Variants in CRTC3 observed in about 807,000 individuals in gnomAD.
The protein encoded by CRTC3 is CREB-regulated transcription coactivator 3.
Under a neutral mutation model 74.5 loss-of-function variants are expected in CRTC3, and 26 were observed. The ratio of observed to expected loss-of-function variants is 0.35; its 90% CI spans 0.26 to 0.48. The LOEUF (loss-of-function observed/expected upper bound fraction) is 0.48. Among genes scored for constraint, CRTC3 ranks in the 20% least tolerant of loss-of-function variants. CRTC3 has a pLI of 0.99. For synonymous variants in CRTC3, 377 were observed against 325.8 expected (o/e 1.16, Z -1.69); for missense variants, 760 against 787.3 (o/e 0.97, Z 0.41).
At chr15:90,634,348 A>G (rs1969156462) in intron 11 of CRTC3, among the ~76,000 whole-genome samples, 1 of 152,146 alleles carries the variant, frequency 6.6e-6, no homozygotes, top group African/African-American at 2.4e-5. Flanking sequence ...TCCTGACCTC[A>G]GGTGATCCAC....
At chr15:90,567,791 A>G (rs1429503086) in intron 2 of CRTC3, among the ~76,000 whole-genome samples, 1 of 152,228 alleles carries the variant, frequency 6.6e-6, no homozygotes, top group African/African-American at 2.4e-5. Context: ...TAGTGTTTTT[A>G]TGCCTTCTAA....
intron 13 of CRTC3, among the ~76,000 whole-genome samples, chr15:90,639,622 A>G (rs1969368058): frequency 6.6e-6 from 1 of 151,128 alleles, no homozygotes; most frequent in South Asian, 2.1e-4. Flanking sequence ...GCTAAATTTT[A>G]TATTTTTAGT....
intron 2 of CRTC3, among the ~76,000 whole-genome samples, chr15:90,554,413 G>A (rs1189260970): frequency 6.6e-6 from 1 of 152,130 alleles, no homozygotes; most frequent in Non-Finnish European, 1.5e-5. Context: ...ATGTTGGCCA[G>A]GCTAGTCTCG....
intron 13 of CRTC3, among the ~76,000 whole-genome samples, chr15:90,640,557 A>C (rs576557798): frequency 6.6e-5 from 10 of 152,104 alleles, no homozygotes; most frequent in Non-Finnish European, 8.8e-5. Flanking sequence ...GCATGGTGGC[A>C]TGTGGTCCCA....
chr15:90,605,719 C>T (rs532647300), intron 5 of CRTC3, among the ~76,000 whole-genome samples: 31 of 152,294 alleles, frequency 2.0e-4, no homozygotes, highest in Non-Finnish European at 3.8e-4. Context: ...TCTGAAGCCA[C>T]GTGGCTTCAT....
At chr15:90,638,149 A>C in intron 11 of CRTC3, 1 of 387,148 alleles carries the variant, frequency 2.6e-6, no homozygotes, top group East Asian at 4.7e-5. Context: ...CGGCTATAAA[A>C]CAAAACAAAA....
At chr15:90,542,110 G>A (rs1285741567) in intron 2 of CRTC3, among the ~76,000 whole-genome samples, 1 of 150,582 alleles carries the variant, frequency 6.6e-6, no homozygotes, top group Non-Finnish European at 1.5e-5. Flanking sequence ...TACTGTTTTT[G>A]TTTTGTTTTG....
At chr15:90,606,148 T>A (rs1357701988) in intron 5 of CRTC3, among the ~76,000 whole-genome samples, 1 of 151,424 alleles carries the variant, frequency 6.6e-6, no homozygotes, top group Non-Finnish European at 1.5e-5. Flanking sequence ...CCCAGCTACT[T>A]GAGAGGCTGA....
At chr15:90,583,926 T>C (rs934145254) in intron 2 of CRTC3, among the ~76,000 whole-genome samples, 1 of 152,078 alleles carries the variant, frequency 6.6e-6, no homozygotes, top group Admixed American at 6.6e-5. Context: ...GTTTGTAAGG[T>C]AGACTTAAAT....
chr15:90,600,158 G>A (rs1968030277), intron 3 of CRTC3: 1 of 152,124 alleles, frequency 6.6e-6, no homozygotes, highest in Admixed American at 6.5e-5. Flanking sequence ...TTGATTTAAG[G>A]TCAAATTAAG....
intron 3 of CRTC3, chr15:90,595,572 A>C (rs992971440): frequency 3.9e-5 from 6 of 152,052 alleles, no homozygotes; most frequent in Non-Finnish European, 4.4e-5. Flanking sequence ...AAAAAAAAAA[A>C]AAAAAACCAA....
chr15:90,637,443 T>C (rs1039030404), intron 11 of CRTC3, among the ~76,000 whole-genome samples: 2 of 152,102 alleles, frequency 1.3e-5, no homozygotes, highest in African/African-American at 4.8e-5. Context: ...TTGGGAGATA[T>C]ACCTAACGTA....
intron 2 of CRTC3, among the ~76,000 whole-genome samples, chr15:90,550,569 G>C (rs1023345769): frequency 1.3e-5 from 2 of 150,622 alleles, no homozygotes; most frequent in Non-Finnish European, 2.9e-5. Context: ...AAGTATATTT[G>C]CTGTTGCTAT....
chr15:90,641,573 G>A (rs188691642), intron 14 of CRTC3, among the ~76,000 whole-genome samples: 7 of 152,046 alleles, frequency 4.6e-5, no homozygotes, highest in East Asian at 1.9e-4. Flanking sequence ...GGCGGCGGGC[G>A]CCTGTGGTCT....
intron 2 of CRTC3, among the ~76,000 whole-genome samples, chr15:90,557,625 TGG>T (rs1195941806): frequency 3.3e-5 from 5 of 152,062 alleles, no homozygotes; most frequent in Admixed American, 2.0e-4. Context: ...GGTAATATGG[TGG>T]AGTACAGACA....
Position 90,530,170 on chromosome 15 carries a change from C to G in CRTC3, c.99C>G (p.Phe33Leu). 1 of 1,421,138 alleles carries G rather than the reference C, an allele frequency of 7.0e-7. No homozygotes were observed. The highest frequency in any genetic ancestry group is 9.3e-7 in the Non-Finnish European group (1 of 1,069,738). The allele number at this position is 1,421,138 out of a possible 1,614,324, so 88.0% of individuals were successfully genotyped here. Residue 33 changes from phenylalanine to leucine, a missense_variant, in exon 1 of 15, where the codon TTC (phenylalanine) becomes TTG (leucine). Physicochemically the swap from Phe to Leu is conservative, Grantham distance 22 (BLOSUM62 0). Transcript: ENST00000268184. The surrounding 1 kb of genome is among the most constrained non-coding windows in gnomAD (Gnocchi z 6.2). ...TQRQAEETRA[F>L]EQLMTDLTLS... ...GACAGGCCGAGGAGACGCGGGCCTT[C>G]GAGCAGCTCATGACCGACCTCACCC...
chr15:90,578,226 T>C (rs2151072237), intron 2 of CRTC3, among the ~76,000 whole-genome samples: 1 of 152,214 alleles, frequency 6.6e-6, no homozygotes, highest in South Asian at 2.1e-4. Flanking sequence ...CAAATGTATT[T>C]ATTACCACTG....
At chr15:90,634,575 C>T (rs1221639991) in intron 11 of CRTC3, 2 of 397,020 alleles carry the variant, frequency 5.0e-6, no homozygotes, top group Non-Finnish European at 9.2e-6. Flanking sequence ...TTGTGTGTGT[C>T]TGCTCTGGCC....
intron 9 of CRTC3, among the ~76,000 whole-genome samples, chr15:90,621,992 T>C (rs1457465106): frequency 6.6e-6 from 1 of 152,072 alleles, no homozygotes; most frequent in African/African-American, 2.4e-5. Context: ...TGTGGGTAAA[T>C]GCACTGAAGG....
Sources: allele counts gnomAD v4.1 joint callset (sites outside exome capture counted in the v4.1 genomes callset), GRCh38; gene constraint gnomAD v4.1.1; non-coding constraint Gnocchi (gnomAD v3.1); transcripts MANE v1.5; gene names NCBI Gene and HGNC (gene_info 2026-07-23, HGNC 2026-07-21).